ZNF215: variants seen among roughly 807,000 people sequenced by gnomAD.
The protein encoded by ZNF215 is BWSCR2-associated zinc finger protein 2.
ZNF215 carries 24 observed loss-of-function variants against 27.2 expected under a neutral mutation model. That is an observed-to-expected ratio of 0.88 (90% CI 0.64 to 1.24). The LOEUF is 1.24. Ranked by LOEUF, ZNF215 falls within the 50% of genes most tolerant of loss-of-function variation. The probability of loss-of-function intolerance (pLI) is 0.00; values close to 1 mark genes in which losing one functional copy is unlikely to be tolerated. For missense variants in ZNF215, 675 were observed against 605.7 expected (o/e 1.11, Z -1.20); for synonymous variants, 210 against 204.0 (o/e 1.03, Z -0.25).
chr11:6,961,080 A>T (rs998607502), downstream of ZNF215, among the ~76,000 whole-genome samples: 2 of 152,166 alleles, frequency 1.3e-5, no homozygotes, highest in African/African-American at 4.8e-5. Flanking sequence ...ATTAAATCCC[A>T]GGTTTCAGAT....
At chr11:6,951,026 G>C (rs1165724544) in intron 6 of ZNF215, among the ~76,000 whole-genome samples, 7 of 151,986 alleles carry the variant, frequency 4.6e-5, no homozygotes, top group Non-Finnish European at 4.4e-5. Context: ...TTTATATGCT[G>C]GATTACATTT....
chr11:6,988,730 A>C (rs1472907501), downstream of ZNF215: 1 of 152,206 alleles, frequency 6.6e-6, no homozygotes, highest in Non-Finnish European at 1.5e-5. Context: ...CAAAATCATT[A>C]GGCTTCCTGG....
downstream of ZNF215, among the ~76,000 whole-genome samples, chr11:6,990,604 CTA>C (rs1851105205): frequency 6.6e-6 from 1 of 152,170 alleles, no homozygotes; most frequent in African/African-American, 2.4e-5. Flanking sequence ...AATGTATTAT[CTA>C]TGTTTTAAAG....
downstream of ZNF215, among the ~76,000 whole-genome samples, chr11:6,960,831 T>G (rs1808815205): frequency 6.6e-6 from 1 of 152,164 alleles, no homozygotes; most frequent in Non-Finnish European, 1.5e-5. Context: ...TTGCCTTTGC[T>G]TCTTTTTCAA....
chr11:6,972,703 C>T (rs1033519364), intron 5 of ZNF215, among the ~76,000 whole-genome samples: 1 of 152,056 alleles, frequency 6.6e-6, no homozygotes, highest in African/African-American at 2.4e-5. Context: ...GAAATCTTCC[C>T]TGGCAAATGC....
At chr11:6,944,393 CTTT>C (rs74576992) in intron 6 of ZNF215, among the ~76,000 whole-genome samples, 2 of 136,638 alleles carry the variant, frequency 1.5e-5, no homozygotes, top group Admixed American at 7.4e-5. Context: ...TCCATTTTTC[CTTT>C]TTTTTTTTTT....
chr11:6,949,612 A>C (rs1173755094), intron 6 of ZNF215, among the ~76,000 whole-genome samples: 1 of 151,970 alleles, frequency 6.6e-6, no homozygotes, highest in African/African-American at 2.4e-5. Flanking sequence ...ATTTGAGTTC[A>C]TTGTAGATTC....
downstream of ZNF215, among the ~76,000 whole-genome samples, chr11:6,960,599 A>G (rs1198968962): frequency 6.6e-6 from 1 of 152,158 alleles, no homozygotes; most frequent in African/African-American, 2.4e-5. Context: ...ACTTAAATAT[A>G]TCATAAGCAC....
At chr11:6,954,908 T>C (rs1850263780) in intron 6 of ZNF215, among the ~76,000 whole-genome samples, 1 of 152,034 alleles carries the variant, frequency 6.6e-6, no homozygotes, top group Non-Finnish European at 1.5e-5. Context: ...TTTTAAAAAA[T>C]TGCTAGAATA....
chr11:6,949,327 A>G (rs200443865), intron 6 of ZNF215, among the ~76,000 whole-genome samples: 36,040 of 151,978 alleles, frequency 0.24, 4,642 homozygotes, highest in African/African-American at 0.33. Context: ...TCGCCACACT[A>G]ACTTCCACAA....
chr11:6,952,237 A>T (rs1850100705), intron 6 of ZNF215, among the ~76,000 whole-genome samples: 1 of 152,148 alleles, frequency 6.6e-6, no homozygotes, highest in South Asian at 2.1e-4. Context: ...AGTTCTGTAG[A>T]TGTCTATTAG....
chr11:6,965,819 T>C (rs1850607029), intron 5 of ZNF215, among the ~76,000 whole-genome samples: 1 of 152,192 alleles, frequency 6.6e-6, no homozygotes, highest in African/African-American at 2.4e-5. Context: ...ATATAGTCAA[T>C]CATGTCATCT....
At chr11:6,951,320 C>T (rs1850049252) in intron 6 of ZNF215, among the ~76,000 whole-genome samples, 1 of 151,928 alleles carries the variant, frequency 6.6e-6, no homozygotes, top group Admixed American at 6.5e-5. Flanking sequence ...ACCAGTTCCT[C>T]CTTGTACCTC....
intron 5 of ZNF215, among the ~76,000 whole-genome samples, chr11:6,974,530 T>C (rs891702264): frequency 6.6e-6 from 1 of 152,230 alleles, no homozygotes; most frequent in Admixed American, 6.5e-5. Flanking sequence ...TCCATGAGCA[T>C]GGAATGTTTT....
intron 5 of ZNF215, among the ~76,000 whole-genome samples, chr11:6,974,123 T>A (rs1345599118): frequency 2.0e-5 from 3 of 152,128 alleles, no homozygotes; most frequent in South Asian, 2.1e-4. Flanking sequence ...GGCTAGCCAG[T>A]TTTCCCAGCA....
At chr11:6,940,568 C>G (rs1849600545) in intron 3 of ZNF215, among the ~76,000 whole-genome samples, 1 of 152,220 alleles carries the variant, frequency 6.6e-6, no homozygotes, top group Non-Finnish European at 1.5e-5. Context: ...CATGGCCTCC[C>G]AAAGTGTTGG....
intron 5 of ZNF215, among the ~76,000 whole-genome samples, chr11:6,975,707 G>T (rs560539730): frequency 2.0e-5 from 3 of 151,944 alleles, no homozygotes; most frequent in African/African-American, 7.2e-5. Flanking sequence ...TGAATATTAC[G>T]CCATTGTATA....
intron 5 of ZNF215, among the ~76,000 whole-genome samples, chr11:6,971,020 G>A (rs1850708884): frequency 6.6e-6 from 1 of 151,924 alleles, no homozygotes; most frequent in African/African-American, 2.4e-5. Flanking sequence ...ATGACAGAGT[G>A]CAGACATCCA....
intron 5 of ZNF215, among the ~76,000 whole-genome samples, chr11:6,970,134 A>G (rs944824367): frequency 6.6e-6 from 1 of 152,282 alleles, no homozygotes; most frequent in African/African-American, 2.4e-5. Context: ...TCTTGTTAAA[A>G]CAATTAAACC....
Sources: gnomAD v4.1 joint callset for allele counts (sites outside exome capture counted in the v4.1 genomes callset) on GRCh38, gnomAD v4.1.1 for gene constraint, MANE v1.5 for transcripts, NCBI Gene and HGNC (gene_info 2026-07-23, HGNC 2026-07-21) for gene names.